CFAP90: variants seen among roughly 807,000 people sequenced by gnomAD.
CFAP90 encodes the protein cilia- and flagella-associated protein 90.
chr5:7,843,526 G>C, the CFAP90 span, among the ~76,000 whole-genome samples: 37,095 of 152,026 alleles, frequency 0.24, 4,732 homozygotes, highest in Middle Eastern at 0.3. Context: ...CAAATTCTAA[G>C]AGTGTTCTGA....
chr5:7,850,157 T>C, the CFAP90 span, among the ~76,000 whole-genome samples: 1 of 152,086 alleles, frequency 6.6e-6, no homozygotes, highest in Non-Finnish European at 1.5e-5. Context: ...CACATCCTCG[T>C]CCCAGGGGTT....
the CFAP90 span, among the ~76,000 whole-genome samples, chr5:7,832,772 G>A: frequency 6.6e-6 from 1 of 152,186 alleles, no homozygotes; most frequent in South Asian, 2.1e-4. Flanking sequence ...ACAGGCATGA[G>A]CCACCACACC....
At chr5:7,841,525 C>T in the CFAP90 span, among the ~76,000 whole-genome samples, 6 of 152,242 alleles carry the variant, frequency 3.9e-5, no homozygotes, top group Non-Finnish European at 5.9e-5. Context: ...CACATGCACA[C>T]GTATGTTCAA....
chr5:7,836,453 A>G, the CFAP90 span, among the ~76,000 whole-genome samples: 1 of 152,188 alleles, frequency 6.6e-6, no homozygotes, highest in Admixed American at 6.5e-5. Context: ...AAGAAAGGGC[A>G]TACACATTTT....
the CFAP90 span, among the ~76,000 whole-genome samples, chr5:7,838,908 T>A: frequency 6.6e-6 from 1 of 152,152 alleles, no homozygotes; most frequent in Non-Finnish European, 1.5e-5. Context: ...TCCCTGCAGG[T>A]GGGCAGCCAC....
At chr5:7,850,751 C>T in the CFAP90 span, 12 of 1,016,050 alleles carry the variant, frequency 1.2e-5, no homozygotes, top group African/African-American at 1.2e-4. Context: ...TGGGGTGATC[C>T]CTTCTCCCCC....
At chr5:7,834,434 T>TA in the CFAP90 span, among the ~76,000 whole-genome samples, 1 of 152,186 alleles carries the variant, frequency 6.6e-6, no homozygotes, top group African/African-American at 2.4e-5. Flanking sequence ...AAAAAGTTTA[T>TA]AAGGTTAAGA....
At chr5:7,842,456 G>T in the CFAP90 span, among the ~76,000 whole-genome samples, 1 of 151,720 alleles carries the variant, frequency 6.6e-6, no homozygotes, top group Non-Finnish European at 1.5e-5. Context: ...AAGTAGGCTG[G>T]GGCCAGGAAT....
the CFAP90 span, chr5:7,830,546 C>T: frequency 6.6e-6 from 1 of 152,146 alleles, no homozygotes; most frequent in Admixed American, 6.5e-5. Context: ...TCGAAATAAA[C>T]TACTGCCATT....
the CFAP90 span, chr5:7,832,165 C>T: frequency 3.1e-5 from 25 of 805,358 alleles, no homozygotes; most frequent in Admixed American, 1.2e-4. Context: ...GGAACCTCCA[C>T]GCTGAAGCCA....
the CFAP90 span, among the ~76,000 whole-genome samples, chr5:7,845,260 C>G: frequency 1.3e-5 from 2 of 152,134 alleles, no homozygotes; most frequent in Non-Finnish European, 2.9e-5. Context: ...GTGGGGGTTA[C>G]AATTGGAGAT....
At chr5:7,840,602 G>A in the CFAP90 span, among the ~76,000 whole-genome samples, 1 of 152,162 alleles carries the variant, frequency 6.6e-6, no homozygotes, top group African/African-American at 2.4e-5. Context: ...GGTGAGATGG[G>A]AGACTGCACC....
chr5:7,850,435 G>A, the CFAP90 span, among the ~76,000 whole-genome samples: 1 of 151,642 alleles, frequency 6.6e-6, no homozygotes, highest in Non-Finnish European at 1.5e-5. Flanking sequence ...CCCTAGCGGT[G>A]CAGCCCCTCC....
the CFAP90 span, among the ~76,000 whole-genome samples, chr5:7,846,447 G>A: frequency 3.3e-5 from 5 of 152,190 alleles, no homozygotes; most frequent in African/African-American, 1.2e-4. Flanking sequence ...TCTGGTGAGG[G>A]AGCATTTTCT....
the CFAP90 span, among the ~76,000 whole-genome samples, chr5:7,839,734 C>G: frequency 1.3e-5 from 2 of 152,198 alleles, no homozygotes; most frequent in African/African-American, 4.8e-5. Context: ...TACTAGGAAT[C>G]TCACTGCTTG....
At chr5:7,832,583 G>T in the CFAP90 span, among the ~76,000 whole-genome samples, 2 of 152,056 alleles carry the variant, frequency 1.3e-5, no homozygotes, top group Admixed American at 6.6e-5. Flanking sequence ...TGCCTCCCAG[G>T]TTCAAGCAAT....
the CFAP90 span, among the ~76,000 whole-genome samples, chr5:7,838,582 G>C: frequency 6.6e-6 from 1 of 152,116 alleles, no homozygotes; most frequent in South Asian, 2.1e-4. Flanking sequence ...AGAGACACTG[G>C]CCAGCCAATA....
the CFAP90 span, among the ~76,000 whole-genome samples, chr5:7,848,483 C>T: frequency 9.0e-3 from 1,377 of 152,312 alleles, 17 homozygotes; most frequent in African/African-American, 0.029. Flanking sequence ...GCTTAACCAA[C>T]AGAATTCACT....
the CFAP90 span, among the ~76,000 whole-genome samples, chr5:7,836,034 G>A: frequency 1.8e-4 from 28 of 152,170 alleles, no homozygotes; most frequent in Non-Finnish European, 3.4e-4. Context: ...CATGCTGGAA[G>A]GGCAAACAAG....
Sources: gnomAD v4.1 joint callset for allele counts (sites outside exome capture counted in the v4.1 genomes callset) on GRCh38, gnomAD v4.1.1 for gene constraint, MANE v1.5 for transcripts, NCBI Gene and HGNC (gene_info 2026-07-23, HGNC 2026-07-21) for gene names.